Variants in KAT5 observed in about 807,000 individuals in gnomAD.
The protein encoded by KAT5 is histone acetyltransferase KAT5.
Under a neutral mutation model 68.1 loss-of-function variants are expected in KAT5, and 31 were observed. The observed-to-expected ratio is 0.46, with a 90% CI of 0.34 to 0.61. The LOEUF (loss-of-function observed/expected upper bound fraction) is 0.61. KAT5 is among the 20% of genes least tolerant of loss of function. The pLI is 0.01. For synonymous variants in KAT5, 365 were observed against 292.6 expected, an observed-to-expected ratio of 1.25 and a Z score of -2.52; for missense variants, 451 against 725.5, an observed-to-expected ratio of 0.62 and a Z score of 4.35.
chr11:65,713,942 AGG>A, intron 6 of KAT5, 94 bp downstream of exon 6: 4 of 1,162,796 alleles, frequency 3.4e-6, no homozygotes, highest in Non-Finnish European at 3.7e-6. Context: ...AAAATAAAGA[AGG>A]GGTGGTGGGC....
At chr11:65,712,657 C>T (rs954377170) in intron 1 of KAT5, 109 bp from the exon 2 acceptor site, 22 of 1,384,720 alleles carry the variant, frequency 1.6e-5, no homozygotes, top group South Asian at 2.4e-5. Flanking sequence ...TAGGAGAGAC[C>T]TAAGTGCTGG....
At chr11:65,715,073 T>TTCTG in intron 8 of KAT5, 163 bp downstream of exon 8, 1 of 653,936 alleles carries the variant, frequency 1.5e-6, no homozygotes. Flanking sequence ...ACAGTCTCTG[T>TTCTG]TCTCTGACAG....
Position 65,712,277 on chromosome 11 carries a change from G to A in KAT5, c.10G>A (p.Val4Met). 5 of 1,426,520 alleles carry A rather than the reference G, an allele frequency of 3.5e-6. No homozygotes were observed. The highest frequency in any genetic ancestry group is 3.7e-6 in the Non-Finnish European group (4 of 1,090,544). 88.4% of individuals were successfully genotyped at this position (1,426,520 alleles called of 1,614,324 possible). A position where few individuals can be genotyped will look rare whatever the true frequency, so the allele number is the denominator to read the frequency against. MAEVVSPVPGAGRR... is the reference protein window; with the variant it reads MAEMVSPVPGAGRR... ...AGTGGAGGGAGGGAAGATGGCGGAG[G>A]TGGTGAGTCCGGTGCCCGGGGCGGG... Residue 4 changes from valine to methionine, a missense_variant, in exon 1 of 13, where the codon GTG becomes ATG. Physicochemically the swap from Val to Met is conservative, Grantham distance 21. Around this residue, in one of 4 missense-constraint regions of KAT5, gnomAD observed 104 missense variants for 107.3 expected, o/e 0.97. Transcript: ENST00000341318.
chr11:65,715,585 C>T (rs1277242895), intron 8 of KAT5, among the ~76,000 whole-genome samples: 2 of 151,172 alleles, frequency 1.3e-5, no homozygotes, highest in East Asian at 3.9e-4. Context: ...ACGGTTAAAC[C>T]CTGTCTCTAC....
At position 65,719,393 on chromosome 11, in the gene KAT5, C is replaced by T; in HGVS notation, c.*212C>T. On this transcript the variant is annotated 3_prime_UTR_variant, in exon 13 of 13. Transcript: ENST00000341318. ...AACTCCAAGGTCAGCTGGCCACAGG[C>T]CCAGGCCTCCTCTGAAGCAGGGACC... The T allele has an allele frequency of 1.6e-6, 1 of 633,164 alleles. No homozygotes were observed. Among genetic ancestry groups the T allele is most frequent in the Non-Finnish European group, 2.7e-6 (1 of 367,302 alleles). The allele number at this position is 633,164 out of a possible 1,614,324, so 39.2% of individuals were successfully genotyped here.
At position 65,714,838 on chromosome 11, in the gene KAT5, A is replaced by G; in HGVS notation, c.957A>G (p.Arg319=). 6.2e-7 allele frequency: 1 copy of G among 1,614,156 alleles called. No homozygotes were observed. The highest frequency in any genetic ancestry group is 1.3e-5 in the African/African-American group (1 of 75,034). Residue 319 remains arginine, a synonymous_variant, in exon 8 of 13, where the codon CGA becomes CGG. Transcript: ENST00000341318. The part of the protein sequence containing the change: ...LQRHLTKCDL[R]HPPGNEIYRK... ...TTCCCCAGACCAAGTGTGACCTACG[A>G]CATCCTCCAGGCAATGAGATTTACC... is the stretch of plus-strand genomic sequence containing the variant.
At chr11:65,715,397 A>C in intron 8 of KAT5, 1 of 175,644 alleles carries the variant, frequency 5.7e-6, no homozygotes, top group Non-Finnish European at 1.2e-5. Context: ...TGCTGTGTTA[A>C]CCACCATTTT....
chr11:65,712,127 T>G, upstream of KAT5: 1 of 777,044 alleles, frequency 1.3e-6, no homozygotes, highest in Non-Finnish European at 1.9e-6. Flanking sequence ...ACAGGGGCAG[T>G]CTTGCCCCTC....
rs201263054 is a variant in KAT5 at position 65,716,652 on chromosome 11, C to T, written c.1030-15C>T. ...GCGGGATACCCAGAGTGGTGACAAGCCTTTTCTCTTGCAGAGTTATTCCCA... is the reference window on the plus strand; with the variant it reads ...GCGGGATACCCAGAGTGGTGACAAGTCTTTTCTCTTGCAGAGTTATTCCCA... On this transcript the variant is annotated splice_polypyrimidine_tract_variant and intron_variant, in intron 8 of 12. Transcript: ENST00000341318. The T allele has an allele frequency of 1.9e-6, 3 of 1,612,292 alleles. No individual in the cohort carries two copies. The highest frequency in any genetic ancestry group is 2.7e-5 in the African/African-American group (2 of 75,028).
Position 65,719,361 on chromosome 11 carries a change from T to G in KAT5, c.*180T>G. 1 of 738,194 alleles carries G rather than the reference T, an allele frequency of 1.4e-6. No individual in the cohort carries two copies. The highest frequency in any genetic ancestry group is 1.9e-5 in the South Asian group (1 of 53,394). The allele number at this position is 738,194 out of a possible 1,614,324, so 45.7% of individuals were successfully genotyped here. A position where few individuals can be genotyped will look rare whatever the true frequency, so the allele number is the denominator to read the frequency against. ...CCCAGCACCAAGGCGAGCTCCGGGCTCAGACCAACTCCAAGGTCAGCTGGC... is the reference window on the plus strand; with the variant it reads ...CCCAGCACCAAGGCGAGCTCCGGGCGCAGACCAACTCCAAGGTCAGCTGGC... On this transcript the variant is annotated 3_prime_UTR_variant, in exon 13 of 13. Coordinates refer to ENST00000341318, the MANE Select transcript of KAT5 (RefSeq NM_182710.3).
chr11:65,716,051 G>C (rs1398702857), intron 8 of KAT5: 1 of 149,580 alleles, frequency 6.7e-6, no homozygotes, highest in African/African-American at 2.5e-5. Flanking sequence ...AACCCACAAT[G>C]TCTGAAATGC....
chr11:65,715,344 T>A, intron 8 of KAT5: 1 of 236,358 alleles, frequency 4.2e-6, no homozygotes, highest in East Asian at 9.3e-5. Context: ...AAAGGGAGGA[T>A]GAGGGAAGGC....
upstream of KAT5, chr11:65,712,106 T>G (rs1331899688): frequency 6.5e-6 from 4 of 618,314 alleles, no homozygotes; most frequent in Non-Finnish European, 7.7e-6. Context: ...CACTCCGTTT[T>G]CCCCCGAGTC....
At chr11:65,712,709 A>G in intron 1 of KAT5, 57 bp from the exon 2 acceptor site, 1 of 1,585,396 alleles carries the variant, frequency 6.3e-7, no homozygotes. Flanking sequence ...AGGTCGTGGA[A>G]GGGTGGAGTC....
At position 65,713,003 on chromosome 11, in the gene KAT5, C is replaced by T. The variant is rs1314845066; in HGVS notation, c.329C>T (p.Thr110Ile). The T allele has an allele frequency of 6.2e-7, 1 of 1,613,958 alleles. No homozygotes were observed. The highest frequency in any genetic ancestry group is 8.5e-7 in the Non-Finnish European group (1 of 1,180,004). ...KIQFPKKEAK[T>I]PTKNGLPGSR... is the part of the protein sequence containing the mutation. ...CAGTTCCCCAAGAAAGAGGCCAAGA[C>T]CCCCACTAAGAACGGACTTCCTGGG... is the stretch of plus-strand genomic sequence containing the variant. Residue 110 changes from threonine (T) to isoleucine (I), a missense_variant, in exon 3 of 13, where the codon ACC becomes ATC. Around this residue, in one of 4 missense-constraint regions of KAT5, gnomAD observed 135 missense variants for 173.4 expected, o/e 0.78. Coordinates refer to ENST00000341318, the MANE Select transcript of KAT5 (RefSeq NM_182710.3).
chr11:65,713,482 G>A lies in KAT5; in HGVS notation c.519G>A (p.Leu173=). The part of the protein sequence containing the change: ...PDQPLSSSSC[L]QPNHRSTKRK... ...AGCCGCTCTCCTCCAGCTCCTGCCT[G>A]CAGCCCAACCACCGCTCAACGGTAC... The change falls in exon 4 of 13, where the codon CTG becomes CTA. Residue 173 remains leucine (L), a synonymous_variant. Coordinates refer to ENST00000341318, the MANE Select transcript of KAT5 (RefSeq NM_182710.3). 1 of 1,614,220 alleles carries A rather than the reference G, an allele frequency of 6.2e-7. No homozygotes were observed. Among genetic ancestry groups the A allele is most frequent in the Non-Finnish European group, 8.5e-7 (1 of 1,180,032 alleles).
At chr11:65,714,314 G>A (rs1857126613) in intron 6 of KAT5, 181 bp from the exon 7 acceptor site, 1 of 695,478 alleles carries the variant, frequency 1.4e-6, no homozygotes, top group East Asian at 2.7e-5. Context: ...GTCATTGGGT[G>A]ATCTTTTCCA....
At chr11:65,712,239 G>T (rs1857041776), upstream of KAT5, 1 of 1,402,216 alleles carries the variant, frequency 7.1e-7, no homozygotes. Flanking sequence ...CTCCCAGAGG[G>T]GCCGGAAGTG....
chr11:65,716,161 T>G (rs574299432), intron 8 of KAT5: 1 of 155,788 alleles, frequency 6.4e-6, no homozygotes, highest in South Asian at 2.0e-4. Context: ...TCCTTAACTC[T>G]GTTGTAGAGT....
Sources: allele counts gnomAD v4.1 joint callset (sites outside exome capture counted in the v4.1 genomes callset), GRCh38; gene constraint gnomAD v4.1.1; regional missense constraint gnomAD v4.1.1; transcripts MANE v1.5; gene names NCBI Gene and HGNC (gene_info 2026-07-23, HGNC 2026-07-21).